ARHGAP21: variants seen among roughly 807,000 people sequenced by gnomAD.
ARHGAP21 encodes the protein rho GTPase-activating protein 21.
Under a neutral mutation model 164.6 loss-of-function variants are expected in ARHGAP21, and 38 were observed. The ratio of observed to expected loss-of-function variants is 0.23; its 90% CI spans 0.18 to 0.30. The LOEUF is 0.30. Ranked by LOEUF, ARHGAP21 falls within the 10% of genes least tolerant of loss-of-function variation. The probability of loss-of-function intolerance (pLI) is 1.00; values close to 1 mark genes in which losing one functional copy is unlikely to be tolerated. For missense variants in ARHGAP21, 1,822 were observed against 2,370.7 expected, an observed-to-expected ratio of 0.77 and a Z score of 4.81; for synonymous variants, 766 against 857.9, an observed-to-expected ratio of 0.89 and a Z score of 1.87.
intron 2 of ARHGAP21, among the ~76,000 whole-genome samples, chr10:24,684,971 C>T (rs938224149): frequency 1.3e-5 from 2 of 152,078 alleles, no homozygotes; most frequent in African/African-American, 4.8e-5. Context: ...GACTGATATT[C>T]GGACTGCTAT....
chr10:24,595,647 T>G, intron 19 of ARHGAP21, 70 bp downstream of exon 19: 6 of 1,475,284 alleles, frequency 4.1e-6, no homozygotes, highest in Non-Finnish European at 5.6e-6. Context: ...TTGTTCAATT[T>G]AATATTCTAT....
Position 24,632,128 on chromosome 10 carries a change from A to C in ARHGAP21, c.440+1274T>G, listed in dbSNP as rs948091365. Among the ~76,000 whole-genome samples the C allele has an allele frequency of 5.3e-5, 8 of 152,224 alleles. 1 individual carries two copies. The highest frequency in any genetic ancestry group is 2.6e-4 in the Admixed American group (4 of 15,282). ...AGAAGAAAAACAACACTTTTAATGG[A>C]AATAAGATTATGAAAAAATATTTCT... On this transcript the variant is annotated intron_variant, in intron 6 of 25. Transcript: ENST00000396432.
At chr10:24,625,881 C>G (rs977096954) in intron 7 of ARHGAP21, among the ~76,000 whole-genome samples, 3 of 152,180 alleles carry the variant, frequency 2.0e-5, no homozygotes, top group African/African-American at 7.2e-5. Flanking sequence ...GTTGTAATAA[C>G]AGCTCCAACA....
intron 17 of ARHGAP21, 152 bp from the exon 18 acceptor site, chr10:24,596,195 AAAACCT>A: frequency 1.6e-6 from 1 of 628,038 alleles, no homozygotes; most frequent in Non-Finnish European, 2.6e-6. Flanking sequence ...GGGAATAGAT[AAAACCT>A]GCAAGAGATA....
At chr10:24,681,243 A>G (rs1469248857) in intron 2 of ARHGAP21, among the ~76,000 whole-genome samples, 1 of 152,146 alleles carries the variant, frequency 6.6e-6, no homozygotes, top group Non-Finnish European at 1.5e-5. Flanking sequence ...TTGCTAAAAA[A>G]CCATTGCAAT....
At chr10:24,713,266 T>C (rs573197781) in intron 2 of ARHGAP21, among the ~76,000 whole-genome samples, 3 of 152,144 alleles carry the variant, frequency 2.0e-5, no homozygotes, top group African/African-American at 4.8e-5. Flanking sequence ...GCTGCATACA[T>C]AGCACTACTC....
At position 24,713,638 on chromosome 10, in the gene ARHGAP21, C is replaced by CT. The variant is rs76742610; in HGVS notation, c.63+8198dup. ...TCCATCACATCAAGTTTCTTTTTTT[C>CT]TTTTTTTTTTTTTTTAAGTGATGGG... is the stretch of plus-strand genomic sequence containing the variant. On this transcript the variant is annotated intron_variant, in intron 2 of 25. Transcript: ENST00000396432. 7.0e-3 allele frequency among the ~76,000 whole-genome samples: 951 copies of CT among 135,842 alleles called. 6 individuals carry two copies. Among genetic ancestry groups the CT allele is most frequent in the Non-Finnish European group, 0.011 (695 of 62,174 alleles). 89.1% of individuals were successfully genotyped at this position (135,842 alleles called of 152,430 possible).
At chr10:24,713,443 A>AT (rs1300499058) in intron 2 of ARHGAP21, among the ~76,000 whole-genome samples, 3 of 152,122 alleles carry the variant, frequency 2.0e-5, no homozygotes, top group Non-Finnish European at 4.4e-5. Context: ...TTTTATTTTT[A>AT]TTTTTTACAA....
Position 24,678,897 on chromosome 10 carries a change from A to G in ARHGAP21, c.64-8500T>C, listed in dbSNP as rs182514657. Among the ~76,000 whole-genome samples, 4 of 152,324 alleles carry G rather than the reference A, an allele frequency of 2.6e-5. No individual in the cohort carries two copies. In the East Asian group the frequency reaches 7.7e-4, roughly 29 times the overall value. On this transcript the variant is annotated intron_variant, in intron 2 of 25. Transcript: ENST00000396432. The stretch of plus-strand genomic sequence containing the variant: ...TTGGGATTGGCTTTTTTCACTTAGA[A>G]TAATTCTCTGGACATTCACCGAGGT...
intron 24 of ARHGAP21, chr10:24,590,183 C>CT: frequency 7.1e-7 from 1 of 1,417,758 alleles, no homozygotes; most frequent in Non-Finnish European, 9.2e-7. Context: ...TGCTTTATGA[C>CT]TTTAAGAACT....
At chr10:24,629,092 T>G (rs967918162) in intron 7 of ARHGAP21, 1 of 141,282 alleles carries the variant, frequency 7.1e-6, no homozygotes, top group Non-Finnish European at 1.5e-5. Flanking sequence ...GCCTTCCGGT[T>G]TCAAGCGATT....
chr10:24,610,783 G>A (rs1042520028), intron 9 of ARHGAP21, among the ~76,000 whole-genome samples: 1 of 152,092 alleles, frequency 6.6e-6, no homozygotes, highest in Non-Finnish European at 1.5e-5. Flanking sequence ...AGATATCAAA[G>A]CATGAAAGAA....
At chr10:24,694,649 C>T (rs186386012) in intron 2 of ARHGAP21, among the ~76,000 whole-genome samples, 2 of 152,178 alleles carry the variant, frequency 1.3e-5, no homozygotes, top group African/African-American at 2.4e-5. Flanking sequence ...TAGGTGGTGT[C>T]CTCTGAACTT....
intron 14 of ARHGAP21, among the ~76,000 whole-genome samples, 169 bp from the exon 15 acceptor site, chr10:24,598,178 T>C (rs570968579): frequency 2.4e-4 from 36 of 152,312 alleles, no homozygotes; most frequent in African/African-American, 7.9e-4. Flanking sequence ...GTGTGAAAGA[T>C]TTTCCAAGTG....
chr10:24,626,451 C>A (rs904237810), intron 7 of ARHGAP21, among the ~76,000 whole-genome samples: 4 of 152,178 alleles, frequency 2.6e-5, no homozygotes, highest in South Asian at 2.1e-4. Flanking sequence ...CCACAGAGAG[C>A]TGCGTCAGCT....
At chr10:24,598,369 T>C (rs371710496) in intron 14 of ARHGAP21, among the ~76,000 whole-genome samples, 1 of 152,242 alleles carries the variant, frequency 6.6e-6, no homozygotes, top group African/African-American at 2.4e-5. Context: ...TTAAGAAATA[T>C]ACGTGTAAGT....
intron 4 of ARHGAP21, among the ~76,000 whole-genome samples, chr10:24,655,813 G>A (rs553549635): frequency 2.0e-3 from 277 of 135,566 alleles, no homozygotes; most frequent in Non-Finnish European, 3.0e-3. Flanking sequence ...AGTGAGGAGC[G>A]TCTCTGCCCG....
At chr10:24,623,780 C>T (rs894866224) in intron 7 of ARHGAP21, among the ~76,000 whole-genome samples, 1 of 152,220 alleles carries the variant, frequency 6.6e-6, no homozygotes, top group Non-Finnish European at 1.5e-5. Context: ...CACGACGACA[C>T]TAATGTACAT....
At chr10:24,685,533 T>C (rs1221731384) in intron 2 of ARHGAP21, among the ~76,000 whole-genome samples, 1 of 152,220 alleles carries the variant, frequency 6.6e-6, no homozygotes, top group Non-Finnish European at 1.5e-5. Flanking sequence ...GAGATTATCA[T>C]TTAGTGCAAC....
Sources: gnomAD v4.1 joint callset for allele counts (sites outside exome capture counted in the v4.1 genomes callset) on GRCh38, gnomAD v4.1.1 for gene constraint, MANE v1.5 for transcripts, NCBI Gene and HGNC (gene_info 2026-07-23, HGNC 2026-07-21) for gene names.